ACVR1: variants seen among roughly 807,000 people sequenced by gnomAD.
ACVR1 encodes activin receptor type-1.
In ACVR1, 38 loss-of-function variants were observed where a neutral mutation model predicts 57.1. That is an observed-to-expected ratio of 0.67 (90% confidence interval 0.51 to 0.87). The LOEUF is 0.87. Ranked by LOEUF, ACVR1 falls within the 40% of genes least tolerant of loss-of-function variation. ACVR1 has a pLI of 0.00. For synonymous variants in ACVR1, 212 were observed against 228.1 expected, an observed-to-expected ratio of 0.93 and a Z score of 0.63; for missense variants, 463 against 638.2, an observed-to-expected ratio of 0.73 and a Z score of 2.96.
chr2:157,873,690 C>T (rs1690184774), intron 1 of ACVR1, among the ~76,000 whole-genome samples: 1 of 152,136 alleles, frequency 6.6e-6, no homozygotes, highest in African/African-American at 2.4e-5. Context: ...TGAGAATTAC[C>T]TAGAAGCCTA....
chr2:157,854,992 T>C (rs1418511649), intron 1 of ACVR1, among the ~76,000 whole-genome samples: 2 of 152,184 alleles, frequency 1.3e-5, no homozygotes, highest in East Asian at 3.9e-4. Context: ...TGAGCCAAGA[T>C]CGTGCCACTG....
intron 3 of ACVR1, among the ~76,000 whole-genome samples, chr2:157,797,763 C>T (rs1687173249): frequency 6.6e-6 from 1 of 152,152 alleles, no homozygotes; most frequent in Non-Finnish European, 1.5e-5. Context: ...GGTGGTGCCA[C>T]ACAACTAAGA....
intron 2 of ACVR1, among the ~76,000 whole-genome samples, chr2:157,807,829 C>G (rs1687605121): frequency 8.8e-6 from 1 of 113,850 alleles, no homozygotes; most frequent in African/African-American, 3.5e-5. Context: ...AATTCTCAGG[C>G]TAATGTGATT....
At chr2:157,836,304 G>A (rs963362962) in intron 1 of ACVR1, among the ~76,000 whole-genome samples, 1 of 152,204 alleles carries the variant, frequency 6.6e-6, no homozygotes, top group Non-Finnish European at 1.5e-5. Flanking sequence ...CTTTAGTGAT[G>A]AGAGAAGAAA....
intron 1 of ACVR1, among the ~76,000 whole-genome samples, chr2:157,818,904 C>T (rs1370633141): frequency 1.3e-5 from 2 of 151,424 alleles, no homozygotes; most frequent in Non-Finnish European, 2.9e-5. Context: ...CGGTGAAACC[C>T]CGTCTCTACT....
intron 1 of ACVR1, among the ~76,000 whole-genome samples, chr2:157,819,077 CAAAAAAAAAAAAAAAAAA>C (rs386391595): frequency 3.4e-5 from 2 of 59,178 alleles, no homozygotes; most frequent in Admixed American, 2.7e-4. Context: ...GACTCCGTCT[CAAAAAAAAAAAAAAAAAA>C]AAAAAAAACC....
intron 1 of ACVR1, among the ~76,000 whole-genome samples, chr2:157,871,428 G>A (rs1690110059): frequency 6.6e-6 from 1 of 152,250 alleles, no homozygotes; most frequent in East Asian, 1.9e-4. Flanking sequence ...TGATCCCTCA[G>A]GACACTTATG....
intron 1 of ACVR1, among the ~76,000 whole-genome samples, chr2:157,827,114 T>C (rs1688413431): frequency 6.6e-6 from 1 of 152,094 alleles, no homozygotes; most frequent in Non-Finnish European, 1.5e-5. Flanking sequence ...AAGTACCAAA[T>C]ACCTTCCTGC....
intron 2 of ACVR1, among the ~76,000 whole-genome samples, chr2:157,812,876 C>T (rs955923552): frequency 6.6e-6 from 1 of 152,118 alleles, no homozygotes; most frequent in Non-Finnish European, 1.5e-5. Flanking sequence ...AGTGGTCCTT[C>T]CTCCCACGTA....
chr2:157,800,435 C>T lies in ACVR1; in HGVS notation c.-7-935G>A, dbSNP rs148928509. On this transcript the variant is annotated intron_variant, in intron 2 of 10. Coordinates refer to ENST00000434821, the MANE Select transcript of ACVR1 (RefSeq NM_001111067.4). ...TTGAGCCCAGGAGTTTGAGACCAGC[C>T]TGGGCAACACAGTGAGACCCCATCT... Among the ~76,000 whole-genome samples the T allele has an allele frequency of 5.3e-5, 8 of 152,066 alleles. 1 individual carries two copies. Among genetic ancestry groups the T allele is most frequent in the African/African-American group, 1.9e-4 (8 of 41,460 alleles).
intron 9 of ACVR1, among the ~76,000 whole-genome samples, chr2:157,757,124 C>T (rs912309943): frequency 6.7e-6 from 1 of 148,472 alleles, no homozygotes; most frequent in African/African-American, 2.5e-5. Flanking sequence ...AAAATGCAAT[C>T]CGGAGACTAA....
Position 157,805,655 on chromosome 2 carries a change from A to G in ACVR1, c.-7-6155T>C, listed in dbSNP as rs562375758. ...GAAGGTAGAAGAAACTTGCCTAAGG[A>G]CACAGGTCAAACCGCAAACCACCAG... On this transcript the variant is annotated intron_variant, in intron 2 of 10. Coordinates refer to ENST00000434821, the MANE Select transcript of ACVR1 (RefSeq NM_001111067.4). Among the ~76,000 whole-genome samples the G allele has an allele frequency of 5.3e-5, 8 of 152,188 alleles. No homozygotes were observed. In the South Asian group the frequency reaches 1.4e-3, roughly 28 times the overall value.
intron 1 of ACVR1, among the ~76,000 whole-genome samples, chr2:157,858,873 C>T (rs1358276950): frequency 6.6e-6 from 1 of 152,146 alleles, no homozygotes; most frequent in East Asian, 1.9e-4. Context: ...CCTGCTTCGG[C>T]CTCCCTAAGT....
In ACVR1 at chr2:157,760,933, A is replaced by C. The variant is rs1417727949; in HGVS notation, c.1211T>G (p.Ile404Ser). The C allele has an allele frequency of 6.2e-7, 1 of 1,614,166 alleles. No homozygotes were observed. Among genetic ancestry groups the C allele is most frequent in the Non-Finnish European group, 8.5e-7 (1 of 1,180,014 alleles). ...CCACAAAACAAGTCCAAAGGCCCAA[A>C]TATCGACCCTTTTATAAGAATCGAA... ...DCFDSYKRVD[I>S]WAFGLVLWEV... Residue 404 changes from isoleucine to serine, a missense_variant, in exon 9 of 11, where the codon ATT (isoleucine) becomes AGT (serine). Coordinates refer to ENST00000434821, the MANE Select transcript of ACVR1 (RefSeq NM_001111067.4).
chr2:157,864,222 T>A (rs540721680), intron 1 of ACVR1, among the ~76,000 whole-genome samples: 3 of 151,936 alleles, frequency 2.0e-5, no homozygotes, highest in East Asian at 1.9e-4. Context: ...TTATATTATT[T>A]TTTTTTTTGA....
At chr2:157,780,737 G>A (rs1169537226) in intron 3 of ACVR1, 137 bp from the exon 4 acceptor site, 9 of 1,056,678 alleles carry the variant, frequency 8.5e-6, no homozygotes, top group Non-Finnish European at 1.2e-5. Flanking sequence ...TCAACCATGA[G>A]GTCCACATTC....
At chr2:157,786,539 C>A (rs2105289229) in intron 3 of ACVR1, among the ~76,000 whole-genome samples, 1 of 152,286 alleles carries the variant, frequency 6.6e-6, no homozygotes, top group East Asian at 1.9e-4. Context: ...AAGAGCTTGC[C>A]ATACCATCAC....
At chr2:157,841,257 TAGGA>T (rs1048227650) in intron 1 of ACVR1, among the ~76,000 whole-genome samples, 19 of 152,080 alleles carry the variant, frequency 1.2e-4, no homozygotes, top group African/African-American at 4.1e-4. Flanking sequence ...AAAATTGACA[TAGGA>T]AGGTAGGGAG....
chr2:157,826,769 AG>A (rs1688385435), intron 1 of ACVR1: 1 of 106,492 alleles, frequency 9.4e-6, no homozygotes, highest in African/African-American at 5.5e-5. Flanking sequence ...AGGAAAGGAA[AG>A]GAAAGGAAAG....
Sources: allele counts gnomAD v4.1 joint callset (sites outside exome capture counted in the v4.1 genomes callset), GRCh38; gene constraint gnomAD v4.1.1; transcripts MANE v1.5; gene names NCBI Gene and HGNC (gene_info 2026-07-23, HGNC 2026-07-21).